SLC8A1: variants seen among roughly 807,000 people sequenced by gnomAD.
The protein encoded by SLC8A1 is sodium/calcium exchanger 1.
Under a neutral mutation model 68.3 loss-of-function variants are expected in SLC8A1, and 18 were observed. That is an observed-to-expected ratio of 0.26 (90% CI 0.18 to 0.39). The LOEUF is 0.39. Ranked by LOEUF, SLC8A1 falls within the 10% of genes least tolerant of loss-of-function variation. The pLI is 1.00. For synonymous variants in SLC8A1, 475 were observed against 415.5 expected (o/e 1.14, Z -1.74); for missense variants, 985 against 1,156.7 (o/e 0.85, Z 2.15).
At chr2:40,452,168 G>A (rs1702641330), upstream of SLC8A1, 3 of 145,732 alleles carry the variant, frequency 2.1e-5, no homozygotes, top group Admixed American at 2.0e-4. Context: ...GGGCGCGCGC[G>A]CGCTCCCCCT....
intron 7 of SLC8A1, chr2:40,118,607 GTTTTTTTTTTTTTTTT>G (rs67851517): frequency 2.7e-5 from 2 of 74,720 alleles, no homozygotes; most frequent in African/African-American, 5.4e-5. Flanking sequence ...AAAAAAGGAA[GTTTTTTTTTTTTTTTT>G]TTTTTTTTTT....
chr2:40,381,935 C>G (rs1681944599), intron 2 of SLC8A1, among the ~76,000 whole-genome samples: 1 of 151,966 alleles, frequency 6.6e-6, no homozygotes, highest in Non-Finnish European at 1.5e-5. Flanking sequence ...CCCTGCTCTA[C>G]AAACCCGATT....
chr2:40,496,654 T>C (rs1241918073), intron 1 of SLC8A1, among the ~76,000 whole-genome samples: 1 of 152,046 alleles, frequency 6.6e-6, no homozygotes, highest in Non-Finnish European at 1.5e-5. Context: ...CCTGGTAAAA[T>C]TGACAGTTTT....
chr2:40,172,438 G>A (rs559054247), intron 4 of SLC8A1, among the ~76,000 whole-genome samples: 1 of 152,078 alleles, frequency 6.6e-6, no homozygotes, highest in Non-Finnish European at 1.5e-5. Flanking sequence ...AGAACTTAAT[G>A]AACTAACTAC....
chr2:40,324,901 T>C (rs1238672605), intron 2 of SLC8A1, among the ~76,000 whole-genome samples: 1 of 152,182 alleles, frequency 6.6e-6, no homozygotes, highest in African/African-American at 2.4e-5. Flanking sequence ...GATGACCTCC[T>C]TGCAGTGCAA....
At chr2:40,455,815 C>A (rs940361425), upstream of SLC8A1, among the ~76,000 whole-genome samples, 3 of 152,174 alleles carry the variant, frequency 2.0e-5, no homozygotes, top group South Asian at 6.2e-4. Context: ...CAACTGAACA[C>A]CACTCTTGTA....
intron 1 of SLC8A1, among the ~76,000 whole-genome samples, chr2:40,494,675 A>ATATC (rs1705569215): frequency 7.9e-6 from 1 of 126,510 alleles, no homozygotes; most frequent in Non-Finnish European, 1.7e-5. Context: ...ATATATATAT[A>ATATC]TATATATATC....
At chr2:40,150,401 C>T (rs2043200299) in intron 6 of SLC8A1, among the ~76,000 whole-genome samples, 1 of 152,176 alleles carries the variant, frequency 6.6e-6, no homozygotes, top group African/African-American at 2.4e-5. Flanking sequence ...CTTCCTTCCA[C>T]TTCTTTGGGT....
At chr2:40,281,528 G>A (rs2067520700) in intron 2 of SLC8A1, among the ~76,000 whole-genome samples, 1 of 152,180 alleles carries the variant, frequency 6.6e-6, no homozygotes, top group African/African-American at 2.4e-5. Context: ...CTCAGGACTT[G>A]AGTCCCAACT....
At chr2:40,426,778 C>G (rs1696967513) in intron 2 of SLC8A1, among the ~76,000 whole-genome samples, 2 of 151,956 alleles carry the variant, frequency 1.3e-5, no homozygotes, top group Admixed American at 6.6e-5. Context: ...ACGCAGTACA[C>G]TTTTAGATGG....
At chr2:40,492,986 C>G (rs1310491518) in intron 1 of SLC8A1, among the ~76,000 whole-genome samples, 1 of 152,106 alleles carries the variant, frequency 6.6e-6, no homozygotes, top group African/African-American at 2.4e-5. Flanking sequence ...CCAGCCATCC[C>G]ATTACTGGGT....
intron 7 of SLC8A1, chr2:40,116,761 A>G (rs2035513829): frequency 6.6e-6 from 1 of 152,190 alleles, no homozygotes; most frequent in Admixed American, 6.5e-5. Flanking sequence ...GTGGGCACCA[A>G]TGATCATTTT....
chr2:40,201,735 T>C (rs1170789652), intron 2 of SLC8A1, among the ~76,000 whole-genome samples: 1 of 151,966 alleles, frequency 6.6e-6, no homozygotes, highest in Non-Finnish European at 1.5e-5. Flanking sequence ...TAGAGTACCC[T>C]GAAGAAGACT....
intron 6 of SLC8A1, among the ~76,000 whole-genome samples, chr2:40,157,172 G>T (rs2044693162): frequency 6.6e-6 from 1 of 152,090 alleles, no homozygotes; most frequent in African/African-American, 2.4e-5. Context: ...TTTATTATAG[G>T]TTCTATAATA....
At chr2:40,127,615 C>A (rs1214192707) in intron 7 of SLC8A1, among the ~76,000 whole-genome samples, 2 of 152,164 alleles carry the variant, frequency 1.3e-5, no homozygotes, top group East Asian at 3.9e-4. Flanking sequence ...ATCTGTGGAC[C>A]CCAGTGGGGG....
At chr2:40,325,471 A>G (rs897837853) in intron 2 of SLC8A1, among the ~76,000 whole-genome samples, 6 of 152,210 alleles carry the variant, frequency 3.9e-5, no homozygotes, top group Admixed American at 1.3e-4. Flanking sequence ...GAAACTCATT[A>G]TTCAATTTAT....
At chr2:40,381,206 G>T (rs144293614) in intron 2 of SLC8A1, among the ~76,000 whole-genome samples, 27 of 152,102 alleles carry the variant, frequency 1.8e-4, no homozygotes, top group Non-Finnish European at 4.0e-4. Context: ...AGCCCTGCTT[G>T]AAATGGTTTA....
At chr2:40,186,080 C>G (rs1018032298) in intron 2 of SLC8A1, among the ~76,000 whole-genome samples, 1 of 152,188 alleles carries the variant, frequency 6.6e-6, no homozygotes. Flanking sequence ...GCTGTTACCT[C>G]AGGCTGGCTT....
At chr2:40,511,085 T>A (rs1706695453) in intron 1 of SLC8A1, among the ~76,000 whole-genome samples, 1 of 152,218 alleles carries the variant, frequency 6.6e-6, no homozygotes, top group South Asian at 2.1e-4. Context: ...TGCTTATTAA[T>A]AATTTTCCAT....
Sources: gnomAD v4.1 joint callset for allele counts (sites outside exome capture counted in the v4.1 genomes callset) on GRCh38, gnomAD v4.1.1 for gene constraint, MANE v1.5 for transcripts, NCBI Gene and HGNC (gene_info 2026-07-23, HGNC 2026-07-21) for gene names.